The following IL13RA1 variants were observed in gnomAD, a reference collection of about 807,000 sequenced individuals.
IL13RA1 encodes interleukin-13 receptor subunit alpha-1.
In IL13RA1, 14 loss-of-function variants were observed where a neutral mutation model predicts 33.8. That is an observed-to-expected ratio of 0.41 (90% CI 0.27 to 0.65). IL13RA1 has a LOEUF of 0.65. IL13RA1 is among the 30% of genes least tolerant of loss of function. The probability of loss-of-function intolerance (pLI) is 0.28; values close to 1 mark genes in which losing one functional copy is unlikely to be tolerated. For missense variants in IL13RA1, 313 were observed against 327.0 expected (o/e 0.96, Z 0.33); for synonymous variants, 116 against 115.7 (o/e 1.00, Z -0.02).
chrX:118,788,983 G>A (rs955494171), intron 10 of IL13RA1, among the ~76,000 whole-genome samples: 13 of 112,062 alleles, frequency 1.2e-4, no homozygotes, highest in African/African-American at 3.9e-4. Context: ...AGATTTTTGC[G>A]TTAGTGATGC....
At chrX:118,770,074 C>T (rs1313515177) in intron 8 of IL13RA1, 2 of 257,683 alleles carry the variant, frequency 7.8e-6, no homozygotes, top group Non-Finnish European at 1.5e-5. Context: ...GCTCATGCGC[C>T]TGGTACTTCT....
intron 2 of IL13RA1, among the ~76,000 whole-genome samples, chrX:118,745,754 A>T (rs2017397349): frequency 8.9e-6 from 1 of 111,837 alleles, no homozygotes; most frequent in Non-Finnish European, 1.9e-5. Context: ...GTCAGAAGCT[A>T]TTGCAAAACA....
At chrX:118,780,530 C>A (rs1451344921) in intron 10 of IL13RA1, among the ~76,000 whole-genome samples, 3 of 112,702 alleles carry the variant, frequency 2.7e-5, no homozygotes, top group African/African-American at 9.7e-5. Context: ...TTCACAGGAA[C>A]TGTGGTGCCA....
chrX:118,735,001 T>C (rs1471532491), intron 1 of IL13RA1, among the ~76,000 whole-genome samples: 1 of 111,284 alleles, frequency 9.0e-6, no homozygotes, highest in Non-Finnish European at 1.9e-5. Flanking sequence ...TTCTTTGTGA[T>C]TTAGTTTTGG....
intron 10 of IL13RA1, among the ~76,000 whole-genome samples, chrX:118,782,991 G>A (rs960971015): frequency 1.8e-5 from 2 of 111,345 alleles, no homozygotes; most frequent in Non-Finnish European, 3.8e-5. Context: ...ATGATAATCT[G>A]AAGAGAGACT....
Position 118,791,743 on chromosome X carries a change from T to G in IL13RA1, c.1192-19T>G, listed in dbSNP as rs764923743. On this transcript the variant is annotated intron_variant, in intron 10 of 10. Coordinates refer to ENST00000371666, the MANE Select transcript of IL13RA1 (RefSeq NM_001560.3). ...GTTTAGATATGTCATTGTGTATGTG[T>G]TTTTTTCCTCCCTTCTAGCACTGGA... is the stretch of plus-strand genomic sequence containing the variant. 1 of 735,464 alleles carries G rather than the reference T, an allele frequency of 1.4e-6. No homozygotes were observed. The highest frequency in any genetic ancestry group is 3.3e-5 in the East Asian group (1 of 30,751). 60.6% of individuals were successfully genotyped at this position (735,464 alleles called of 1,213,427 possible). A position where few individuals can be genotyped will look rare whatever the true frequency, so the allele number is the denominator to read the frequency against.
rs755503877 is a variant in IL13RA1, at chrX:118,758,230, T to G, written c.664T>G (p.Leu222Val). Residue 222 changes from leucine to valine, a missense_variant, in exon 5 of 11, where the codon TTA (leucine) becomes GTA (valine). By Grantham distance (32) the Leu-to-Val change is conservative (BLOSUM62 1). Coordinates refer to ENST00000371666, the MANE Select transcript of IL13RA1 (RefSeq NM_001560.3). The part of the protein sequence containing the change: ...KIKPSFNIVP[L>V]TSRVKPDPPH... ...TAAACCATCCTTCAATATAGTGCCTTTAACTTCCCGTGGTAAGTTTTAGAA... is the reference window on the plus strand; with the variant it reads ...TAAACCATCCTTCAATATAGTGCCTGTAACTTCCCGTGGTAAGTTTTAGAA... The G allele has an allele frequency of 1.9e-6, 2 of 1,042,905 alleles. No homozygotes were observed. The highest frequency in any genetic ancestry group is 3.6e-5 in the African/African-American group (2 of 54,801). The allele number at this position is 1,042,905 out of a possible 1,213,427, so 85.9% of individuals were successfully genotyped here. A position where few individuals can be genotyped will look rare whatever the true frequency, so the allele number is the denominator to read the frequency against.
chrX:118,797,386 C>T (rs2018037709), downstream of IL13RA1, among the ~76,000 whole-genome samples: 1 of 112,103 alleles, frequency 8.9e-6, no homozygotes, highest in Admixed American at 9.5e-5. Flanking sequence ...TAGATGAAAC[C>T]TGTGGTCTAC....
chrX:118,798,657 G>T (rs1347848809), downstream of IL13RA1, among the ~76,000 whole-genome samples: 1 of 112,363 alleles, frequency 8.9e-6, no homozygotes, highest in African/African-American at 3.2e-5. Flanking sequence ...CTTGGATTAT[G>T]CCCTGGTTTT....
At chrX:118,727,895 G>T (rs1469989868) in intron 1 of IL13RA1, among the ~76,000 whole-genome samples, 169 bp downstream of exon 1, 2 of 112,363 alleles carry the variant, frequency 1.8e-5, no homozygotes, top group Non-Finnish European at 3.8e-5. Flanking sequence ...TCCCGCGCGG[G>T]ATCTCTGGGG....
the IL13RA1 span, among the ~76,000 whole-genome samples, chrX:118,805,116 T>G: frequency 8.9e-6 from 1 of 111,985 alleles, no homozygotes; most frequent in African/African-American, 3.3e-5. Flanking sequence ...ATGGTTTCAC[T>G]TCTTCCCTGC....
rs1466704364 is a variant in IL13RA1 at position 118,793,629 on chromosome X, C to T, written c.*1775C>T. On this transcript the variant is annotated 3_prime_UTR_variant, in exon 11 of 11. Coordinates refer to ENST00000371666, the MANE Select transcript of IL13RA1 (RefSeq NM_001560.3). ...CCCCATTTCTCTCCTCACACACAGA[C>T]TCATATTACTGGTAGGAACTTGAGA... 2.7e-5 allele frequency: 3 copies of T among 112,183 alleles called. No individual in the cohort carries two copies. Among genetic ancestry groups the T allele is most frequent in the African/African-American group, 9.7e-5 (3 of 30,862 alleles). 9.2% of individuals were successfully genotyped at this position (112,183 alleles called of 1,213,427 possible). A position where few individuals can be genotyped will look rare whatever the true frequency, so the allele number is the denominator to read the frequency against.
intron 10 of IL13RA1, among the ~76,000 whole-genome samples, chrX:118,789,821 A>G (rs1373364846): frequency 9.0e-6 from 1 of 111,015 alleles, no homozygotes; most frequent in East Asian, 2.8e-4. Flanking sequence ...TCTTTAATCC[A>G]TCAGGGATTT....
Position 118,793,675 on chromosome X carries a change from A to G in IL13RA1, c.*1821A>G, listed in dbSNP as rs1331478209. The G allele has an allele frequency of 7.1e-5, 8 of 112,269 alleles. No individual in the cohort carries two copies. The highest frequency in any genetic ancestry group is 2.6e-4 in the African/African-American group (8 of 30,905). The allele number at this position is 112,269 out of a possible 1,213,427, so 9.3% of individuals were successfully genotyped here. On this transcript the variant is annotated 3_prime_UTR_variant, in exon 11 of 11. Transcript: ENST00000371666. ...TGAGAACTTTATTTCCAAGTTGTTCAAACATTTACCAATCATATTAATACA... is the reference window on the plus strand; with the variant it reads ...TGAGAACTTTATTTCCAAGTTGTTCGAACATTTACCAATCATATTAATACA...
chrX:118,774,788 C>T (rs1428374117), intron 9 of IL13RA1, among the ~76,000 whole-genome samples: 3 of 111,747 alleles, frequency 2.7e-5, no homozygotes, highest in Non-Finnish European at 5.6e-5. Flanking sequence ...CTGTTATTTG[C>T]TCTTGTAGTA....
the IL13RA1 span, among the ~76,000 whole-genome samples, chrX:118,804,046 T>C: frequency 9.4e-6 from 1 of 105,860 alleles, no homozygotes; most frequent in African/African-American, 3.5e-5. Flanking sequence ...AACCTCTGCC[T>C]CCTGGGTTCA....
At chrX:118,767,924 C>A (rs1434027216) in intron 8 of IL13RA1, among the ~76,000 whole-genome samples, 1 of 112,063 alleles carries the variant, frequency 8.9e-6, no homozygotes, top group Non-Finnish European at 1.9e-5. Flanking sequence ...GTATTCCATT[C>A]TGAGCACCAC....
At chrX:118,775,497 A>T (rs2017772074) in intron 9 of IL13RA1, among the ~76,000 whole-genome samples, 1 of 111,882 alleles carries the variant, frequency 8.9e-6, no homozygotes, top group Non-Finnish European at 1.9e-5. Flanking sequence ...CCGATGGAGT[A>T]GTTCGGAGGC....
chrX:118,729,791 A>G (rs1013116646), intron 1 of IL13RA1, among the ~76,000 whole-genome samples: 3 of 112,192 alleles, frequency 2.7e-5, no homozygotes, highest in Middle Eastern at 4.6e-3. Flanking sequence ...GCACAGTGCG[A>G]CCAAGACCCT....
Sources: allele counts gnomAD v4.1 joint callset (sites outside exome capture counted in the v4.1 genomes callset), GRCh38; gene constraint gnomAD v4.1.1; transcripts MANE v1.5; gene names NCBI Gene and HGNC (gene_info 2026-07-23, HGNC 2026-07-21).